SNX29: variants seen among roughly 807,000 people sequenced by gnomAD.
SNX29 encodes the protein sorting nexin 29, also known as sorting nexin-29.
SNX29 carries 78 observed loss-of-function variants against 102.1 expected under a neutral mutation model. That is an observed-to-expected ratio of 0.76 (90% CI 0.64 to 0.92). The LOEUF is 0.92. Among genes scored for constraint, SNX29 ranks in the 40% least tolerant of loss-of-function variants. SNX29 has a pLI of 0.00. For synonymous variants in SNX29, 580 were observed against 414.5 expected (o/e 1.40, Z -4.85); for missense variants, 1,280 against 1,061.7 (o/e 1.21, Z -2.86).
rs972010842 is a variant in SNX29, at chr16:11,976,866, G to T, written c.7+53G>T. 24 of 1,323,790 alleles carry T rather than the reference G, an allele frequency of 1.8e-5. No individual in the cohort carries two copies. In the South Asian group the frequency reaches 4.6e-4, roughly 25 times the overall value. 82.0% of individuals were successfully genotyped at this position (1,323,790 alleles called of 1,614,324 possible). A position where few individuals can be genotyped will look rare whatever the true frequency, so the allele number is the denominator to read the frequency against. On this transcript the variant is annotated intron_variant, in intron 1 of 20. Coordinates refer to ENST00000566228, the MANE Select transcript of SNX29 (RefSeq NM_032167.5). The stretch of plus-strand genomic sequence containing the variant: ...TGCCCCGGCCGCCCCGGCTCCCGCC[G>T]CTCCAGCTGCACACTCCGGCCCCTG...
chr16:12,476,409 T>C (rs71388723), intron 18 of SNX29, among the ~76,000 whole-genome samples: 26 of 20,210 alleles, frequency 1.3e-3, no homozygotes, highest in African/African-American at 0.011. Context: ...TATATATATA[T>C]ATACATATAT....
Position 12,573,661 on chromosome 16 carries a change from A to C in SNX29, c.*5032A>C, listed in dbSNP as rs372281920. The C allele has an allele frequency of 5.8e-4, 130 of 222,410 alleles. 1 individual carries two copies. In the East Asian group the frequency reaches 7.6e-3, roughly 13 times the overall value. 13.8% of individuals were successfully genotyped at this position (222,410 alleles called of 1,614,324 possible). On this transcript the variant is annotated 3_prime_UTR_variant, in exon 21 of 21. Coordinates refer to ENST00000566228, the MANE Select transcript of SNX29 (RefSeq NM_032167.5). ...GGGGAACCACCACTCATTCACTGTCAGTGTAGGTAAGACAGAGGATGCCCT... is the reference window on the plus strand; with the variant it reads ...GGGGAACCACCACTCATTCACTGTCCGTGTAGGTAAGACAGAGGATGCCCT...
intron 20 of SNX29, among the ~76,000 whole-genome samples, chr16:12,540,839 G>T (rs138673201): frequency 7.6e-4 from 115 of 152,302 alleles, no homozygotes; most frequent in Non-Finnish European, 1.3e-3. Context: ...AAACAAGATC[G>T]CCTCCACCCT....
Position 12,571,656 on chromosome 16 carries a change from A to G in SNX29, c.*3027A>G. 10 of 1,059,380 alleles carry G rather than the reference A, an allele frequency of 9.4e-6. No homozygotes were observed. The highest frequency in any genetic ancestry group is 1.1e-5 in the Non-Finnish European group (10 of 875,722). The allele number at this position is 1,059,380 out of a possible 1,614,324, so 65.6% of individuals were successfully genotyped here. A position where few individuals can be genotyped will look rare whatever the true frequency, so the allele number is the denominator to read the frequency against. On this transcript the variant is annotated 3_prime_UTR_variant, in exon 21 of 21. Transcript: ENST00000566228. ...TCCCCCAGATGAAAGACGACTCAGG[A>G]ACGGTAGGGCTGGGCAGAGGTGTCT... is the stretch of plus-strand genomic sequence containing the variant.
chr16:12,133,910 C>T (rs2054564447), intron 13 of SNX29, among the ~76,000 whole-genome samples: 1 of 152,174 alleles, frequency 6.6e-6, no homozygotes, highest in South Asian at 2.1e-4. Context: ...TAAAACTGAG[C>T]ATCACTGAGC....
chr16:12,430,487 C>G (rs1322751132), intron 18 of SNX29, among the ~76,000 whole-genome samples: 2 of 152,214 alleles, frequency 1.3e-5, no homozygotes, highest in Admixed American at 6.5e-5. Context: ...GTTTGCATCC[C>G]AGCTCTGCCC....
At chr16:12,563,821 T>G (rs933784917) in intron 20 of SNX29, among the ~76,000 whole-genome samples, 1 of 152,144 alleles carries the variant, frequency 6.6e-6, no homozygotes, top group Non-Finnish European at 1.5e-5. Context: ...TGCTTTTTAT[T>G]TATTCAGGCT....
chr16:12,493,412 T>C (rs2088650828), intron 19 of SNX29, among the ~76,000 whole-genome samples: 2 of 152,248 alleles, frequency 1.3e-5, no homozygotes, highest in South Asian at 2.1e-4. Context: ...CTGAAGTTGC[T>C]TATCAGCTTA....
At chr16:12,333,770 T>TC (rs1443937385) in intron 15 of SNX29, among the ~76,000 whole-genome samples, 1 of 152,130 alleles carries the variant, frequency 6.6e-6, no homozygotes, top group Non-Finnish European at 1.5e-5. Context: ...AGAGCCTATG[T>TC]CCTGGGGACT....
intron 19 of SNX29, among the ~76,000 whole-genome samples, chr16:12,510,670 C>CT (rs2089575535): frequency 6.6e-6 from 1 of 151,550 alleles, no homozygotes; most frequent in African/African-American, 2.4e-5. Flanking sequence ...GAGACTCTGT[C>CT]TCAAAAAAAA....
intron 18 of SNX29, among the ~76,000 whole-genome samples, chr16:12,460,214 C>G (rs1210362985): frequency 1.3e-5 from 2 of 152,226 alleles, no homozygotes; most frequent in African/African-American, 4.8e-5. Flanking sequence ...CGGCTCGCAG[C>G]CAGACGCAGC....
At chr16:12,561,696 C>T (rs1014962479) in intron 20 of SNX29, among the ~76,000 whole-genome samples, 5 of 152,168 alleles carry the variant, frequency 3.3e-5, no homozygotes, top group Non-Finnish European at 7.4e-5. Context: ...CCCTTTTCCC[C>T]AACTCCCCAG....
chr16:12,487,677 G>C (rs2088315568), intron 19 of SNX29, among the ~76,000 whole-genome samples: 1 of 152,170 alleles, frequency 6.6e-6, no homozygotes, highest in Non-Finnish European at 1.5e-5. Flanking sequence ...AGACAATTCA[G>C]AAGATGGTGG....
intron 11 of SNX29, among the ~76,000 whole-genome samples, chr16:12,112,626 T>A (rs2053543624): frequency 6.6e-6 from 1 of 152,172 alleles, no homozygotes; most frequent in Non-Finnish European, 1.5e-5. Context: ...TGGCTTTGTC[T>A]CGTGAGGTCC....
intron 11 of SNX29, among the ~76,000 whole-genome samples, chr16:12,083,619 G>T (rs2052020614): frequency 6.6e-6 from 1 of 152,166 alleles, no homozygotes; most frequent in South Asian, 2.1e-4. Flanking sequence ...GGTTCATTAG[G>T]GAAGGGATGC....
intron 20 of SNX29, among the ~76,000 whole-genome samples, chr16:12,538,303 GTA>G (rs987645119): frequency 6.6e-6 from 1 of 152,056 alleles, no homozygotes; most frequent in African/African-American, 2.4e-5. Flanking sequence ...TTGTTTTTTA[GTA>G]GAGAGGGGGT....
chr16:12,256,365 G>A (rs949944756), intron 14 of SNX29, among the ~76,000 whole-genome samples: 2 of 151,960 alleles, frequency 1.3e-5, no homozygotes, highest in Non-Finnish European at 2.9e-5. Flanking sequence ...TTGTTTTTTG[G>A]AGGTGGAGTC....
At chr16:12,242,588 C>CTTT (rs1384998077) in intron 14 of SNX29, among the ~76,000 whole-genome samples, 4,174 of 148,248 alleles carry the variant, frequency 0.028, 210 homozygotes, top group African/African-American at 0.1. Flanking sequence ...TTTTCTTCTT[C>CTTT]TCTTCTTCTT....
At chr16:12,543,589 A>C (rs943363733) in intron 20 of SNX29, among the ~76,000 whole-genome samples, 2 of 152,162 alleles carry the variant, frequency 1.3e-5, no homozygotes, top group African/African-American at 2.4e-5. Flanking sequence ...GGTGCGTCCC[A>C]GTTCATCCTC....
Sources: allele counts gnomAD v4.1 joint callset (sites outside exome capture counted in the v4.1 genomes callset), GRCh38; gene constraint gnomAD v4.1.1; transcripts MANE v1.5; gene names NCBI Gene and HGNC (gene_info 2026-07-23, HGNC 2026-07-21).